Variants in TEX9 observed in about 807,000 individuals in gnomAD.
TEX9 encodes testis expressed 9.
TEX9 carries 74 observed loss-of-function variants against 59.6 expected under a neutral mutation model. That is an observed-to-expected ratio of 1.24 (90% CI 1.03 to 1.51). TEX9 has a LOEUF of 1.51. Ranked by LOEUF, TEX9 falls within the 40% of genes most tolerant of loss-of-function variation. The pLI is 0.00. For missense variants in TEX9, 522 were observed against 447.8 expected (o/e 1.17, Z -1.49); for synonymous variants, 186 against 152.2 (o/e 1.22, Z -1.64).
rs530460661 is a variant in TEX9 at position 56,376,967 on chromosome 15, A to G, written c.183+3463A>G. Among the ~76,000 whole-genome samples, 253 of 152,284 alleles carry G rather than the reference A, an allele frequency of 1.7e-3. 1 individual carries two copies. The highest frequency in any genetic ancestry group is 5.9e-3 in the African/African-American group (247 of 41,554). ...TAGGGGTCTAGTCTTCTTCTTCTGCATGTGGATATTCCGTTTTCCCAGCAC... is the reference window on the plus strand; with the variant it reads ...TAGGGGTCTAGTCTTCTTCTTCTGCGTGTGGATATTCCGTTTTCCCAGCAC... On this transcript the variant is annotated intron_variant, in intron 3 of 12. Coordinates refer to ENST00000352903, the Ensembl canonical transcript of TEX9.
intron 1 of TEX9, among the ~76,000 whole-genome samples, chr15:56,296,403 A>G (rs1249283306): frequency 6.6e-6 from 1 of 151,630 alleles, no homozygotes; most frequent in East Asian, 1.9e-4. Flanking sequence ...TTCAAGATGA[A>G]GACATTGTGT....
chr15:56,273,481 T>C (rs981484738), intron 1 of TEX9, among the ~76,000 whole-genome samples: 18 of 152,352 alleles, frequency 1.2e-4, no homozygotes, highest in Admixed American at 1.2e-3. Context: ...TTACACATGT[T>C]GTAAACCCAA....
At chr15:56,252,698 A>C (rs1160825719) in intron 1 of TEX9, among the ~76,000 whole-genome samples, 1 of 151,818 alleles carries the variant, frequency 6.6e-6, no homozygotes, top group African/African-American at 2.4e-5. Context: ...TCAGATCCAC[A>C]CTCTTGGGCA....
At chr15:56,297,638 G>A (rs1358531033) in intron 1 of TEX9, among the ~76,000 whole-genome samples, 1 of 152,166 alleles carries the variant, frequency 6.6e-6, no homozygotes, top group African/African-American at 2.4e-5. Context: ...CTGAATAGCT[G>A]GGATTACAGG....
Position 56,400,164 on chromosome 15 carries a change from A to G in TEX9, c.828+5330A>G, listed in dbSNP as rs145817561. On this transcript the variant is annotated intron_variant, in intron 9 of 12. Coordinates refer to ENST00000352903, the Ensembl canonical transcript of TEX9. ...GAGTTGACAGAAGTAGGCTTCAGAA[A>G]GTCAGTAATAAACTTCTCTGAGCTA... is the stretch of plus-strand genomic sequence containing the variant. Among the ~76,000 whole-genome samples the G allele has an allele frequency of 8.2e-3, 1,254 of 152,226 alleles. 13 individuals carry two copies. Among genetic ancestry groups the G allele is most frequent in the African/African-American group, 0.029 (1,197 of 41,552 alleles).
At chr15:56,431,117 G>A (rs2050580417) in intron 12 of TEX9, among the ~76,000 whole-genome samples, 1 of 152,178 alleles carries the variant, frequency 6.6e-6, no homozygotes, top group South Asian at 2.1e-4. Context: ...TCTTGCCACT[G>A]CACTCCAGCC....
chr15:56,333,177 T>G (rs2046190469), intron 1 of TEX9, among the ~76,000 whole-genome samples: 1 of 152,120 alleles, frequency 6.6e-6, no homozygotes, highest in Non-Finnish European at 1.5e-5. Context: ...GAGGACAGTG[T>G]TACCCTGACA....
intron 1 of TEX9, among the ~76,000 whole-genome samples, chr15:56,296,147 C>G (rs1285233740): frequency 6.6e-6 from 1 of 152,180 alleles, no homozygotes; most frequent in African/African-American, 2.4e-5. Flanking sequence ...CACGGCCCAG[C>G]TTATACAAGC....
At chr15:56,401,983 T>C (rs555244058) in intron 9 of TEX9, among the ~76,000 whole-genome samples, 2 of 152,296 alleles carry the variant, frequency 1.3e-5, no homozygotes, top group African/African-American at 4.8e-5. Flanking sequence ...TTTAAAGCAG[T>C]GTGTAGAGGG....
chr15:56,349,974 G>T (rs1290687509), intron 1 of TEX9, among the ~76,000 whole-genome samples: 2 of 152,020 alleles, frequency 1.3e-5, no homozygotes, highest in African/African-American at 4.8e-5. Flanking sequence ...CCTTCTCAGA[G>T]AAGCCCTCCC....
At chr15:56,398,527 T>G (rs1459231583) in intron 9 of TEX9, among the ~76,000 whole-genome samples, 1 of 152,218 alleles carries the variant, frequency 6.6e-6, no homozygotes, top group East Asian at 1.9e-4. Flanking sequence ...CTCTGTCACA[T>G]CACTGTTCTA....
At chr15:56,354,245 C>T (rs2046642182) in intron 1 of TEX9, among the ~76,000 whole-genome samples, 1 of 152,192 alleles carries the variant, frequency 6.6e-6, no homozygotes, top group Non-Finnish European at 1.5e-5. Flanking sequence ...CAGAGGACAT[C>T]AGCCACATCT....
intron 1 of TEX9, among the ~76,000 whole-genome samples, chr15:56,335,960 G>A (rs1021701770): frequency 4.6e-5 from 7 of 152,060 alleles, no homozygotes; most frequent in Admixed American, 2.0e-4. Flanking sequence ...AACTTCATGT[G>A]TTTCATATAC....
At chr15:56,339,399 A>AAAAAAAAAC (rs1567091380) in intron 1 of TEX9, among the ~76,000 whole-genome samples, 24 of 133,462 alleles carry the variant, frequency 1.8e-4, no homozygotes, top group Admixed American at 3.3e-4. Context: ...AAAAAAAAAA[A>AAAAAAAAAC]AAAAAAAAAA....
chr15:56,314,000 C>G (rs1357599997), intron 1 of TEX9, among the ~76,000 whole-genome samples: 3 of 116,446 alleles, frequency 2.6e-5, no homozygotes, highest in Admixed American at 2.0e-4. Flanking sequence ...ATGATATCCC[C>G]TTTATCATTT....
At chr15:56,453,984 A>G in the TEX9 span, among the ~76,000 whole-genome samples, 1 of 152,210 alleles carries the variant, frequency 6.6e-6, no homozygotes, top group Non-Finnish European at 1.5e-5. Context: ...CTGAATTTAG[A>G]CATGCCAATT....
intron 12 of TEX9, among the ~76,000 whole-genome samples, chr15:56,444,125 C>T (rs1354937567): frequency 6.6e-6 from 1 of 151,988 alleles, no homozygotes; most frequent in African/African-American, 2.4e-5. Flanking sequence ...AGCTTTGCAG[C>T]ACTCTATACT....
chr15:56,441,681 A>G (rs2050816431), intron 12 of TEX9, among the ~76,000 whole-genome samples: 2 of 152,214 alleles, frequency 1.3e-5, no homozygotes, highest in South Asian at 2.1e-4. Flanking sequence ...TCTAATATCC[A>G]TAATATCTAA....
intron 1 of TEX9, among the ~76,000 whole-genome samples, chr15:56,264,510 T>C (rs1229297595): frequency 6.6e-6 from 1 of 152,212 alleles, no homozygotes; most frequent in African/African-American, 2.4e-5. Flanking sequence ...TTTTCAGATA[T>C]TTTTCTCTCA....
Sources: allele counts gnomAD v4.1 joint callset (sites outside exome capture counted in the v4.1 genomes callset), GRCh38; gene constraint gnomAD v4.1.1; transcripts MANE v1.5; gene names NCBI Gene and HGNC (gene_info 2026-07-23, HGNC 2026-07-21).